Variants in ZMAT4 observed in about 807,000 individuals in gnomAD.
ZMAT4 encodes the protein zinc finger matrin-type protein 4.
ZMAT4 carries 17 observed loss-of-function variants against 28.7 expected under a neutral mutation model. That is an observed-to-expected ratio of 0.59 (90% confidence interval 0.41 to 0.89). The LOEUF is 0.89. ZMAT4 is among the 40% of genes least tolerant of loss of function. The pLI is 0.00. For missense variants in ZMAT4, 240 were observed against 283.8 expected, an observed-to-expected ratio of 0.85 and a Z score of 1.11; for synonymous variants, 117 against 109.2, an observed-to-expected ratio of 1.07 and a Z score of -0.44.
intron 1 of ZMAT4, among the ~76,000 whole-genome samples, chr8:40,839,515 C>T (rs1473590876): frequency 6.6e-6 from 1 of 152,214 alleles, no homozygotes; most frequent in African/African-American, 2.4e-5. Context: ...CAAAAAGATA[C>T]CTGCACTTGT....
chr8:40,737,408 C>T (rs112235428), intron 3 of ZMAT4, among the ~76,000 whole-genome samples: 213 of 151,692 alleles, frequency 1.4e-3, no homozygotes, highest in African/African-American at 4.9e-3. Flanking sequence ...CAATGGAAGG[C>T]AAGCCAGCCA....
rs180698335 is a variant in ZMAT4, at chr8:40,738,403, C to T, written c.192+29238G>A. Among the ~76,000 whole-genome samples the T allele has an allele frequency of 4.5e-4, 68 of 152,196 alleles. No individual in the cohort carries two copies. The Middle Eastern group carries it at 0.01, about 23-fold the overall frequency. ...CATGGGAGGTGAAAGTTGTGCAAGG[C>T]GGTGGCTGGACAGCAGGAAGGCTAT... On this transcript the variant is annotated intron_variant, in intron 3 of 6. Coordinates refer to ENST00000297737, the MANE Select transcript of ZMAT4 (RefSeq NM_024645.3).
chr8:40,638,697 C>T (rs1355275901), intron 5 of ZMAT4, among the ~76,000 whole-genome samples: 1 of 152,198 alleles, frequency 6.6e-6, no homozygotes, highest in Non-Finnish European at 1.5e-5. Flanking sequence ...CAGGCTGTGC[C>T]TGCATGTGAA....
intron 1 of ZMAT4, among the ~76,000 whole-genome samples, chr8:40,843,151 G>A (rs1259710266): frequency 6.6e-6 from 1 of 152,224 alleles, no homozygotes; most frequent in Non-Finnish European, 1.5e-5. Context: ...GAGAGGCAAG[G>A]CCAAGAAGCA....
intron 1 of ZMAT4, among the ~76,000 whole-genome samples, chr8:40,826,929 C>T (rs914541946): frequency 6.6e-6 from 1 of 152,124 alleles, no homozygotes; most frequent in Non-Finnish European, 1.5e-5. Context: ...CTTGTTTCAC[C>T]TCCTACCCGT....
intron 5 of ZMAT4, among the ~76,000 whole-genome samples, chr8:40,659,540 C>T (rs1326727990): frequency 6.6e-6 from 1 of 152,028 alleles, no homozygotes; most frequent in East Asian, 1.9e-4. Context: ...CAAAATAAAC[C>T]TTTTTTTGTG....
intron 5 of ZMAT4, among the ~76,000 whole-genome samples, chr8:40,618,310 G>A (rs1806084648): frequency 6.6e-6 from 1 of 152,180 alleles, no homozygotes; most frequent in African/African-American, 2.4e-5. Flanking sequence ...GGGTGTCCCA[G>A]AGGACCCACT....
chr8:40,814,280 C>T (rs1309970238), intron 2 of ZMAT4, among the ~76,000 whole-genome samples: 1 of 152,230 alleles, frequency 6.6e-6, no homozygotes, highest in Non-Finnish European at 1.5e-5. Context: ...TTTTGCTCCA[C>T]ACTCAAGCCC....
intron 1 of ZMAT4, among the ~76,000 whole-genome samples, chr8:40,877,525 A>G (rs368474527): frequency 6.6e-6 from 1 of 152,198 alleles, no homozygotes. Flanking sequence ...GCCTGGACAT[A>G]GTACGTACTT....
intron 2 of ZMAT4, among the ~76,000 whole-genome samples, chr8:40,821,147 T>C (rs554724356): frequency 5.3e-4 from 80 of 152,196 alleles, no homozygotes; most frequent in African/African-American, 1.8e-3. Flanking sequence ...TGCCCTGTAC[T>C]TTTTTCTTTT....
intron 5 of ZMAT4, among the ~76,000 whole-genome samples, chr8:40,660,745 A>G (rs1339629374): frequency 6.6e-6 from 1 of 152,228 alleles, no homozygotes; most frequent in Non-Finnish European, 1.5e-5. Context: ...GGAAACATTT[A>G]CATAAGATGA....
chr8:40,667,181 A>G (rs1808452500), intron 5 of ZMAT4, among the ~76,000 whole-genome samples: 1 of 151,490 alleles, frequency 6.6e-6, no homozygotes. Context: ...TTTGAGACAG[A>G]GTCTCGCTCT....
chr8:40,716,348 A>G lies in ZMAT4; in HGVS notation c.193-18947T>C, dbSNP rs549340514. Among the ~76,000 whole-genome samples, 376 of 152,208 alleles carry G rather than the reference A, an allele frequency of 2.5e-3. 2 individuals are homozygous for G. Among genetic ancestry groups the G allele is most frequent in the Non-Finnish European group, 4.3e-3 (290 of 68,000 alleles). On this transcript the variant is annotated intron_variant, in intron 3 of 6. Coordinates refer to ENST00000297737, the MANE Select transcript of ZMAT4 (RefSeq NM_024645.3). ...AGCCCCATGCTAAAGAATGCCACAAATCCACTACAGGAGGTGTTTCCTTGG... is the reference window on the plus strand; with the variant it reads ...AGCCCCATGCTAAAGAATGCCACAAGTCCACTACAGGAGGTGTTTCCTTGG...
rs146773337 is a variant in ZMAT4 at position 40,782,215 on chromosome 8, G to A, written c.103-14485C>T. Among the ~76,000 whole-genome samples the A allele has an allele frequency of 3.0e-3, 455 of 152,092 alleles. 2 individuals are homozygous for A. The highest frequency in any genetic ancestry group is 9.5e-3 in the African/African-American group (393 of 41,486). On this transcript the variant is annotated intron_variant, in intron 2 of 6. Coordinates refer to ENST00000297737, the MANE Select transcript of ZMAT4 (RefSeq NM_024645.3). Reference sequence around the variant, plus strand: ...AGCCTGGCCAATATGGTGAAACCCCGCCTCTACTAAAAAGATAAAAATTAG... The same window carrying A: ...AGCCTGGCCAATATGGTGAAACCCCACCTCTACTAAAAAGATAAAAATTAG...
At chr8:40,697,517 G>C (rs1217885351) in intron 3 of ZMAT4, 116 bp from the exon 4 acceptor site, 39 of 982,188 alleles carry the variant, frequency 4.0e-5, no homozygotes, top group Middle Eastern at 3.6e-4. Flanking sequence ...TCTGCAAGCT[G>C]TCTCTCTCTC....
At chr8:40,776,158 G>A (rs1472504305) in intron 2 of ZMAT4, among the ~76,000 whole-genome samples, 2 of 152,164 alleles carry the variant, frequency 1.3e-5, no homozygotes, top group Admixed American at 1.3e-4. Flanking sequence ...TGTTCTCCTG[G>A]GGTCTTTCTT....
chr8:40,548,896 C>T (rs969338000), intron 6 of ZMAT4, among the ~76,000 whole-genome samples: 2 of 152,080 alleles, frequency 1.3e-5, no homozygotes, highest in Non-Finnish European at 2.9e-5. Context: ...TGACAAAGGT[C>T]AAAGGAGATG....
chr8:40,611,812 A>G lies in ZMAT4; in HGVS notation c.578-30551T>C, dbSNP rs1430751886. Reference sequence around the variant, plus strand: ...GGTAAAAATGAAAAGTAAAGTTTTGAATGTTCAAATAGTTTCTCAACAGAG... The same window carrying G: ...GGTAAAAATGAAAAGTAAAGTTTTGGATGTTCAAATAGTTTCTCAACAGAG... On this transcript the variant is annotated intron_variant, in intron 5 of 6. Transcript: ENST00000297737. Among the ~76,000 whole-genome samples the G allele has an allele frequency of 2.0e-5, 3 of 152,240 alleles. No homozygotes were observed. In the East Asian group the frequency reaches 5.8e-4, roughly 29 times the overall value.
intron 2 of ZMAT4, among the ~76,000 whole-genome samples, chr8:40,781,586 C>G (rs1165510824): frequency 1.3e-5 from 2 of 150,396 alleles, no homozygotes; most frequent in African/African-American, 4.9e-5. Flanking sequence ...AACGGTGAAA[C>G]CCCGTCTCTA....
Sources: allele counts gnomAD v4.1 joint callset (sites outside exome capture counted in the v4.1 genomes callset), GRCh38; gene constraint gnomAD v4.1.1; transcripts MANE v1.5; gene names NCBI Gene and HGNC (gene_info 2026-07-23, HGNC 2026-07-21).